The following ATG10 variants were observed in gnomAD, a reference collection of about 807,000 sequenced individuals.
ATG10 encodes autophagy related 10, also known as ubiquitin-like-conjugating enzyme ATG10.
A neutral mutation model predicts 32.1 loss-of-function variants in ATG10; 30 were observed. The observed-to-expected ratio is 0.94, with a 90% confidence interval of 0.70 to 1.27. The LOEUF (loss-of-function observed/expected upper bound fraction) is 1.27. Ranked by LOEUF, ATG10 falls within the 50% of genes most tolerant of loss-of-function variation. ATG10 has a pLI of 0.00. For missense variants in ATG10, 233 were observed against 262.3 expected, an observed-to-expected ratio of 0.89 and a Z score of 0.77; for synonymous variants, 87 against 91.5, an observed-to-expected ratio of 0.95 and a Z score of 0.28.
At chr5:82,151,652 G>C (rs1767600570) in intron 3 of ATG10, among the ~76,000 whole-genome samples, 1 of 151,330 alleles carries the variant, frequency 6.6e-6, no homozygotes, top group Non-Finnish European at 1.5e-5. Flanking sequence ...ATGGTAAAAG[G>C]TAAAAACAAC....
At chr5:82,227,189 CTT>C (rs1746166068) in intron 5 of ATG10, among the ~76,000 whole-genome samples, 1 of 151,858 alleles carries the variant, frequency 6.6e-6, no homozygotes, top group Admixed American at 6.6e-5. Context: ...TGAGATTTTC[CTT>C]GTTCCCCTCC....
chr5:82,226,462 T>C (rs1235587493), intron 5 of ATG10, among the ~76,000 whole-genome samples: 1 of 152,212 alleles, frequency 6.6e-6, no homozygotes, highest in Admixed American at 6.5e-5. Flanking sequence ...GAAGTATTAG[T>C]ATTTCAAACA....
At chr5:82,034,925 A>AT (rs1021153819) in intron 2 of ATG10, among the ~76,000 whole-genome samples, 11 of 151,772 alleles carry the variant, frequency 7.2e-5, no homozygotes, top group East Asian at 1.9e-4. Flanking sequence ...TATTATTATT[A>AT]TTTTTTTATC....
intron 3 of ATG10, chr5:82,111,452 G>A (rs1199753171): frequency 6.6e-6 from 1 of 151,964 alleles, no homozygotes; most frequent in African/African-American, 2.4e-5. Context: ...CTCTGCAGAT[G>A]CTGGTCAGTT....
intron 5 of ATG10, among the ~76,000 whole-genome samples, chr5:82,190,300 G>A (rs1377667682): frequency 6.6e-6 from 1 of 151,706 alleles, no homozygotes; most frequent in Non-Finnish European, 1.5e-5. Context: ...TAACCTTTCA[G>A]TGCATAGCTT....
intron 1 of ATG10, among the ~76,000 whole-genome samples, chr5:81,975,781 GT>G (rs1408348176): frequency 6.6e-6 from 1 of 150,518 alleles, no homozygotes. Flanking sequence ...TTTCTTTTTT[GT>G]TTTTTATTGT....
chr5:82,172,402 GA>G (rs995113706), intron 4 of ATG10, among the ~76,000 whole-genome samples: 2 of 150,676 alleles, frequency 1.3e-5, no homozygotes, highest in Non-Finnish European at 3.0e-5. Context: ...TTCATCATCT[GA>G]AAAAAAAATT....
intron 5 of ATG10, 118 bp downstream of exon 5, chr5:82,178,705 A>G: frequency 1.6e-6 from 1 of 637,578 alleles, no homozygotes. Flanking sequence ...ATATCTTTAC[A>G]TATTTCACCT....
intron 4 of ATG10, among the ~76,000 whole-genome samples, chr5:82,164,868 C>T (rs1455451931): frequency 1.3e-5 from 2 of 152,062 alleles, no homozygotes; most frequent in African/African-American, 4.8e-5. Flanking sequence ...TCTAACTTTA[C>T]AGTAAAAATT....
At chr5:82,056,131 TTATC>T (rs1273192508) in intron 2 of ATG10, among the ~76,000 whole-genome samples, 1 of 152,184 alleles carries the variant, frequency 6.6e-6, no homozygotes, top group Non-Finnish European at 1.5e-5. Flanking sequence ...CAACTATTGA[TTATC>T]TATCTCAAGA....
At chr5:82,103,127 A>G (rs1435080879) in intron 3 of ATG10, among the ~76,000 whole-genome samples, 2 of 152,174 alleles carry the variant, frequency 1.3e-5, no homozygotes, top group African/African-American at 4.8e-5. Context: ...AACTTTGCAC[A>G]AATAACTCAT....
chr5:82,192,309 T>C (rs924205644), intron 5 of ATG10, among the ~76,000 whole-genome samples: 1 of 152,326 alleles, frequency 6.6e-6, no homozygotes, highest in Admixed American at 6.5e-5. Flanking sequence ...TTCAGGAATT[T>C]TTCCTGGAAA....
rs1316760071 is a variant in ATG10, at chr5:81,981,746, A to G, written c.-12-5813A>G. Among the ~76,000 whole-genome samples the G allele has an allele frequency of 2.0e-5, 3 of 152,242 alleles. No individual in the cohort carries two copies. The East Asian group carries it at 5.8e-4, about 29-fold the overall frequency. ...ATGACTTTGATGTACATTGATTTAT[A>G]GATTCATCAAATCAACGTCTCCAAC... On this transcript the variant is annotated intron_variant, in intron 1 of 7. Coordinates refer to ENST00000282185, the MANE Select transcript of ATG10 (RefSeq NM_031482.5).
intron 3 of ATG10, among the ~76,000 whole-genome samples, chr5:82,154,886 G>A (rs567042897): frequency 6.6e-6 from 1 of 152,296 alleles, no homozygotes; most frequent in Middle Eastern, 3.4e-3. Flanking sequence ...TTTTGAGCAA[G>A]GGAAGGAACT....
intron 5 of ATG10, among the ~76,000 whole-genome samples, chr5:82,235,512 C>T (rs764991730): frequency 5.9e-5 from 9 of 152,156 alleles, no homozygotes; most frequent in African/African-American, 7.2e-5. Context: ...AACAAACAAA[C>T]AAAATAATTG....
At chr5:81,976,011 T>G (rs1760862921) in intron 1 of ATG10, among the ~76,000 whole-genome samples, 1 of 150,778 alleles carries the variant, frequency 6.6e-6, no homozygotes, top group Non-Finnish European at 1.5e-5. Flanking sequence ...TTATCTTTTT[T>G]TTTTTTTGAG....
At chr5:82,078,001 T>C (rs1429807199) in intron 3 of ATG10, among the ~76,000 whole-genome samples, 1 of 152,230 alleles carries the variant, frequency 6.6e-6, no homozygotes, top group Non-Finnish European at 1.5e-5. Flanking sequence ...TCATGGTTTT[T>C]AACGATGGAA....
At chr5:82,064,681 CTTAT>C (rs1417224177) in intron 3 of ATG10, among the ~76,000 whole-genome samples, 1 of 151,898 alleles carries the variant, frequency 6.6e-6, no homozygotes, top group African/African-American at 2.4e-5. Flanking sequence ...GCTTTATTAT[CTTAT>C]TTAATCTTCA....
At chr5:82,140,596 G>A (rs1408005249) in intron 3 of ATG10, among the ~76,000 whole-genome samples, 1 of 46,934 alleles carries the variant, frequency 2.1e-5, no homozygotes, top group African/African-American at 7.5e-5. Context: ...GGAGGGAGGT[G>A]GGGGGGGGGT....
Sources: allele counts gnomAD v4.1 joint callset (sites outside exome capture counted in the v4.1 genomes callset), GRCh38; gene constraint gnomAD v4.1.1; transcripts MANE v1.5; gene names NCBI Gene and HGNC (gene_info 2026-07-23, HGNC 2026-07-21).